The following PCDH9 variants were observed in gnomAD, a reference collection of about 807,000 sequenced individuals.
PCDH9 encodes protocadherin-9.
Under a neutral mutation model 70.6 loss-of-function variants are expected in PCDH9, and 24 were observed. The ratio of observed to expected loss-of-function variants is 0.34; its 90% confidence interval spans 0.25 to 0.48. The LOEUF (loss-of-function observed/expected upper bound fraction) is 0.48. Among genes scored for constraint, PCDH9 ranks in the 20% least tolerant of loss-of-function variants. The pLI is 0.99. For missense variants in PCDH9, 1,281 were observed against 1,503.6 expected (o/e 0.85, Z 2.45); for synonymous variants, 562 against 558.5 (o/e 1.01, Z -0.09).
intron 4 of PCDH9, among the ~76,000 whole-genome samples, chr13:66,417,548 G>T (rs1156449376): frequency 1.3e-5 from 2 of 152,034 alleles, no homozygotes; most frequent in East Asian, 1.9e-4. Flanking sequence ...ACCCAGAAAT[G>T]GTATTTCTGG....
intron 3 of PCDH9, among the ~76,000 whole-genome samples, chr13:66,866,559 A>T (rs150324511): frequency 7.4e-4 from 112 of 152,184 alleles, no homozygotes; most frequent in African/African-American, 2.5e-3. Flanking sequence ...GCACTTTGGG[A>T]GGCTGAGGTA....
chr13:67,076,452 G>T (rs990964998), intron 2 of PCDH9, among the ~76,000 whole-genome samples: 2 of 152,154 alleles, frequency 1.3e-5, no homozygotes, highest in East Asian at 3.9e-4. Flanking sequence ...GGGCTACTCA[G>T]CTAAAGAGAA....
chr13:66,452,217 A>C (rs1340879921), intron 4 of PCDH9, among the ~76,000 whole-genome samples: 3 of 152,110 alleles, frequency 2.0e-5, no homozygotes, highest in Non-Finnish European at 4.4e-5. Context: ...AGGATGGGAC[A>C]TTTTTTCCAT....
chr13:66,471,808 A>G (rs1958624505), intron 4 of PCDH9, among the ~76,000 whole-genome samples: 1 of 152,180 alleles, frequency 6.6e-6, no homozygotes, highest in South Asian at 2.1e-4. Context: ...TCAGAGAAGT[A>G]TAAAGTAACA....
At chr13:66,779,952 A>G (rs367689785) in intron 3 of PCDH9, among the ~76,000 whole-genome samples, 2 of 149,420 alleles carry the variant, frequency 1.3e-5, no homozygotes, top group Admixed American at 6.8e-5. Context: ...GGGTGAGAAA[A>G]GATGGAGAAA....
rs565120762 is a variant in PCDH9 at position 66,512,001 on chromosome 13, T to C, written c.3340+119209A>G. Among the ~76,000 whole-genome samples, 6 of 152,308 alleles carry C rather than the reference T, an allele frequency of 3.9e-5. No homozygotes were observed. The East Asian group carries it at 1.2e-3, about 29-fold the overall frequency. Reference sequence around the variant, plus strand: ...AGTTTTACCTATGTTTGATGATGTTTAAAATCTCCATTTTGTAAAAAATTT... The same window carrying C: ...AGTTTTACCTATGTTTGATGATGTTCAAAATCTCCATTTTGTAAAAAATTT... On this transcript the variant is annotated intron_variant, in intron 4 of 4. Transcript: ENST00000377865.
intron 4 of PCDH9, among the ~76,000 whole-genome samples, chr13:66,435,868 G>C (rs944290366): frequency 7.2e-5 from 11 of 152,210 alleles, no homozygotes; most frequent in African/African-American, 2.6e-4. Flanking sequence ...ACTTGGAGAA[G>C]AAAGTTATTT....
chr13:67,064,488 CAGTT>C (rs1267640611), intron 2 of PCDH9, among the ~76,000 whole-genome samples: 1 of 152,086 alleles, frequency 6.6e-6, no homozygotes, highest in African/African-American at 2.4e-5. Context: ...ACCTAACAAT[CAGTT>C]AGTGCTTTTA....
intron 3 of PCDH9, among the ~76,000 whole-genome samples, chr13:66,842,468 A>G (rs1442732142): frequency 6.6e-6 from 1 of 152,078 alleles, no homozygotes; most frequent in African/African-American, 2.4e-5. Flanking sequence ...AACTTTTTTT[A>G]GGCTTTGTAT....
At chr13:66,503,794 T>C (rs1269576562) in intron 4 of PCDH9, among the ~76,000 whole-genome samples, 15 of 152,338 alleles carry the variant, frequency 9.8e-5, no homozygotes, top group African/African-American at 2.9e-4. Context: ...CTCCTGTCCC[T>C]TTCACTCAGA....
In PCDH9 at chr13:66,851,815, T is replaced by A. The variant is rs913716148; in HGVS notation, c.3138+51689A>T. On this transcript the variant is annotated intron_variant, in intron 3 of 4. Transcript: ENST00000377865. ...TGGTCTGCTAAGAAACTTGACAAAA[T>A]ACTGTGGACTAGGTGGCTTAAAAAA... Among the ~76,000 whole-genome samples, 6 of 152,164 alleles carry A rather than the reference T, an allele frequency of 3.9e-5. No homozygotes were observed. In the East Asian group the frequency reaches 1.2e-3, roughly 29 times the overall value.
chr13:66,986,273 TC>T (rs199783407), intron 2 of PCDH9, among the ~76,000 whole-genome samples: 2,127 of 152,090 alleles, frequency 0.014, 46 homozygotes, highest in African/African-American at 0.047. Flanking sequence ...TTCAATTACC[TC>T]CCACCATGTC....
At chr13:66,414,970 A>C (rs1212922120) in intron 4 of PCDH9, among the ~76,000 whole-genome samples, 2 of 152,160 alleles carry the variant, frequency 1.3e-5, no homozygotes, top group Non-Finnish European at 2.9e-5. Flanking sequence ...TAAAATAACT[A>C]CCATTGCTCA....
At chr13:66,342,898 A>G (rs1432159326) in intron 4 of PCDH9, among the ~76,000 whole-genome samples, 1 of 151,792 alleles carries the variant, frequency 6.6e-6, no homozygotes, top group Admixed American at 6.6e-5. Flanking sequence ...CGCCCACCTC[A>G]TCCTCCCAAA....
intron 3 of PCDH9, among the ~76,000 whole-genome samples, chr13:66,795,112 A>G (rs920599814): frequency 6.6e-6 from 1 of 152,118 alleles, no homozygotes; most frequent in African/African-American, 2.4e-5. Flanking sequence ...TTTTCTTTTT[A>G]GTATAAAATG....
chr13:66,520,798 A>G (rs1317928540), intron 4 of PCDH9, among the ~76,000 whole-genome samples: 1 of 152,104 alleles, frequency 6.6e-6, no homozygotes, highest in Non-Finnish European at 1.5e-5. Flanking sequence ...TTAATTCATA[A>G]CCAATTTTAA....
At chr13:67,028,012 G>C (rs1369731688) in intron 2 of PCDH9, among the ~76,000 whole-genome samples, 1 of 148,664 alleles carries the variant, frequency 6.7e-6, no homozygotes, top group African/African-American at 2.5e-5. Flanking sequence ...TCAGTGTGGC[G>C]ATTCCTCAGG....
At chr13:66,786,950 A>G (rs1337862270) in intron 3 of PCDH9, among the ~76,000 whole-genome samples, 1 of 152,206 alleles carries the variant, frequency 6.6e-6, no homozygotes, top group African/African-American at 2.4e-5. Flanking sequence ...TAAAAAGTAC[A>G]AAGAAGACAA....
chr13:66,360,401 A>G (rs980586553), intron 4 of PCDH9, among the ~76,000 whole-genome samples: 1 of 152,120 alleles, frequency 6.6e-6, no homozygotes. Context: ...CTTAGCTGTG[A>G]TTCTCAGAGG....
Sources: allele counts gnomAD v4.1 joint callset (sites outside exome capture counted in the v4.1 genomes callset), GRCh38; gene constraint gnomAD v4.1.1; transcripts MANE v1.5; gene names NCBI Gene and HGNC (gene_info 2026-07-23, HGNC 2026-07-21).